Variants in ARG2 observed in about 807,000 individuals in gnomAD.
ARG2 encodes the protein arginase 2, also known as arginase-2, mitochondrial.
A neutral mutation model predicts 39.4 loss-of-function variants in ARG2; 21 were observed. That is an observed-to-expected ratio of 0.53 (90% CI 0.38 to 0.77). The LOEUF (loss-of-function observed/expected upper bound fraction) is 0.77, where lower values mean the gene tolerates loss of function less well. Among genes scored for constraint, ARG2 ranks in the 30% least tolerant of loss-of-function variants. ARG2 has a pLI of 0.00. For missense variants in ARG2, 378 were observed against 426.2 expected (o/e 0.89, Z 1.00); for synonymous variants, 150 against 156.7 (o/e 0.96, Z 0.32).
Position 67,646,653 on chromosome 14 carries a change from C to T in ARG2, c.532C>T (p.Leu178Phe). 6.2e-7 allele frequency: 1 copy of T among 1,610,454 alleles called. No individual in the cohort carries two copies. The highest frequency in any genetic ancestry group is 1.1e-5 in the South Asian group (1 of 90,912). The change falls in exon 5 of 8, where the codon CTC becomes TTC. Residue 178 changes from leucine (L) to phenylalanine (F), a missense_variant. By Grantham distance (22) the Leu-to-Phe change is conservative (BLOSUM62 0). Coordinates refer to ENST00000261783, the MANE Select transcript of ARG2 (RefSeq NM_001172.4). ...LRELQDKVPQ[L>F]PGFSWIKPCI... is the part of the protein sequence containing the mutation. ...TTTCTCCCTTTCATAGGTACCACAA[C>T]TCCCAGGATTTTCCTGGATCAAACC... is the stretch of plus-strand genomic sequence containing the variant.
chr14:67,625,824 C>T (rs1343474338), intron 2 of ARG2, among the ~76,000 whole-genome samples: 2 of 150,454 alleles, frequency 1.3e-5, no homozygotes, highest in South Asian at 4.2e-4. Flanking sequence ...TTCTAGTGTT[C>T]GGCAAACATA....
intron 2 of ARG2, among the ~76,000 whole-genome samples, chr14:67,633,769 G>A (rs957730487): frequency 1.3e-5 from 2 of 152,208 alleles, no homozygotes; most frequent in Admixed American, 6.5e-5. Flanking sequence ...GGTGCACTCT[G>A]GGTTCGGAGG....
chr14:67,632,848 T>G, intron 2 of ARG2, among the ~76,000 whole-genome samples: 1 of 120,750 alleles, frequency 8.3e-6, no homozygotes. Context: ...TGAGGCAGAG[T>G]CTCGCTCTAT....
At chr14:67,644,949 G>A (rs1265232605) in intron 3 of ARG2, among the ~76,000 whole-genome samples, 1 of 150,120 alleles carries the variant, frequency 6.7e-6, no homozygotes, top group Non-Finnish European at 1.5e-5. Flanking sequence ...AGTGAGCTGA[G>A]ATTGCGCCAC....
chr14:67,642,676 T>A (rs188254626), intron 3 of ARG2, among the ~76,000 whole-genome samples: 10 of 152,290 alleles, frequency 6.6e-5, no homozygotes, highest in African/African-American at 2.2e-4. Flanking sequence ...TCTTGAGACT[T>A]ATCTTATGAC....
At chr14:67,620,337 TC>T (rs1320718848) in intron 1 of ARG2, among the ~76,000 whole-genome samples, 2 of 151,724 alleles carry the variant, frequency 1.3e-5, no homozygotes, top group Non-Finnish European at 2.9e-5. Context: ...TTCTGCGGCC[TC>T]CCCAGAAAGA....
chr14:67,631,668 G>A (rs1365777706), intron 2 of ARG2, among the ~76,000 whole-genome samples: 2 of 152,120 alleles, frequency 1.3e-5, no homozygotes, highest in Non-Finnish European at 2.9e-5. Flanking sequence ...CTGGCCTCAT[G>A]TGATCCTCCT....
chr14:67,647,096 C>A, intron 6 of ARG2, 71 bp downstream of exon 6: 1 of 988,398 alleles, frequency 1.0e-6, no homozygotes, highest in Non-Finnish European at 1.6e-6. Context: ...TTCTTGAGGA[C>A]AGCAGCTTTA....
chr14:67,628,053 G>A lies in ARG2; in HGVS notation c.184+7087G>A, dbSNP rs78136760. Among the ~76,000 whole-genome samples, 749 of 152,298 alleles carry A rather than the reference G, an allele frequency of 4.9e-3. 36 individuals are homozygous for A. In the East Asian group the frequency reaches 0.083, roughly 17 times the overall value. On this transcript the variant is annotated intron_variant, in intron 2 of 7. Coordinates refer to ENST00000261783, the MANE Select transcript of ARG2 (RefSeq NM_001172.4). ...CTTTGGACCTCATCTGTGCCACAGT[G>A]CCCTTGGGGGATGGGCCACCTGTAG...
At chr14:67,633,099 C>A (rs953779200) in intron 2 of ARG2, among the ~76,000 whole-genome samples, 5 of 152,042 alleles carry the variant, frequency 3.3e-5, no homozygotes, top group Non-Finnish European at 7.4e-5. Flanking sequence ...GGATTACAGG[C>A]GTGAGCCACT....
At position 67,622,614 on chromosome 14, in the gene ARG2, C is replaced by T. The variant is rs187386639; in HGVS notation, c.184+1648C>T. The stretch of plus-strand genomic sequence containing the variant: ...ACTAATGGGAGGAAGTTTTTATTCC[C>T]GCCCATAAATGAGCATACTGTCTCT... On this transcript the variant is annotated intron_variant, in intron 2 of 7. Coordinates refer to ENST00000261783, the MANE Select transcript of ARG2 (RefSeq NM_001172.4). Among the ~76,000 whole-genome samples the T allele has an allele frequency of 8.4e-4, 128 of 152,228 alleles. 1 individual carries two copies. The highest frequency in any genetic ancestry group is 2.9e-3 in the African/African-American group (120 of 41,522).
intron 4 of ARG2, 47 bp downstream of exon 4, chr14:67,645,849 T>C (rs2037091470): frequency 6.2e-7 from 1 of 1,601,156 alleles, no homozygotes; most frequent in Non-Finnish European, 8.5e-7. Flanking sequence ...TGCAGGGTTT[T>C]GCTGGAGTTG....
intron 2 of ARG2, among the ~76,000 whole-genome samples, chr14:67,633,876 G>C (rs2036943916): frequency 6.6e-6 from 1 of 152,176 alleles, no homozygotes; most frequent in African/African-American, 2.4e-5. Flanking sequence ...TCCAGACTCA[G>C]ATATTGCTGC....
At chr14:67,635,062 T>C (rs2036957665) in intron 2 of ARG2, among the ~76,000 whole-genome samples, 1 of 151,840 alleles carries the variant, frequency 6.6e-6, no homozygotes, top group Admixed American at 6.5e-5. Flanking sequence ...CTCGGTAAAA[T>C]GGCGAAATCT....
At chr14:67,632,050 A>G (rs922864607) in intron 2 of ARG2, among the ~76,000 whole-genome samples, 8 of 151,214 alleles carry the variant, frequency 5.3e-5, no homozygotes, top group African/African-American at 1.9e-4. Flanking sequence ...AATTTTGTTT[A>G]TTTTTTTCTT....
rs375062756 is a variant in ARG2 at position 67,646,616 on chromosome 14, T to C, written c.523-28T>C. ...CTTGGTGAGAACAAGAATTCTTGATTAATCCTGTCCATTTCTCCCTTTCAT... is the reference window on the plus strand; with the variant it reads ...CTTGGTGAGAACAAGAATTCTTGATCAATCCTGTCCATTTCTCCCTTTCAT... On this transcript the variant is annotated intron_variant, in intron 4 of 7. Coordinates refer to ENST00000261783, the MANE Select transcript of ARG2 (RefSeq NM_001172.4). 4.1e-5 allele frequency: 63 copies of C among 1,531,514 alleles called. 1 individual carries two copies. In the South Asian group the frequency reaches 6.3e-4, roughly 15 times the overall value. The allele number at this position is 1,531,514 out of a possible 1,614,324, so 94.9% of individuals were successfully genotyped here.
At chr14:67,643,852 TAAAAAAAAAAAAAAA>T (rs553614739) in intron 3 of ARG2, among the ~76,000 whole-genome samples, 78 of 81,196 alleles carry the variant, frequency 9.6e-4, no homozygotes, top group East Asian at 3.3e-3. Flanking sequence ...TCCTTGGGAG[TAAAAAAAAAAAAAAA>T]AAAAAAAAAA....
chr14:67,641,323 ATAAAAAATC>A (rs1229878517), intron 2 of ARG2, among the ~76,000 whole-genome samples: 1 of 152,238 alleles, frequency 6.6e-6, no homozygotes, highest in Non-Finnish European at 1.5e-5. Flanking sequence ...TCTGAAAAAA[ATAAAAAATC>A]TAAAACACTT....
At chr14:67,647,884 C>A in intron 6 of ARG2, 163 bp from the exon 7 acceptor site, 1 of 704,240 alleles carries the variant, frequency 1.4e-6, no homozygotes, top group South Asian at 2.0e-5. Flanking sequence ...ATCTCAGTAA[C>A]TTCCAAGAAT....
Sources: allele counts gnomAD v4.1 joint callset (sites outside exome capture counted in the v4.1 genomes callset), GRCh38; gene constraint gnomAD v4.1.1; transcripts MANE v1.5; gene names NCBI Gene and HGNC (gene_info 2026-07-23, HGNC 2026-07-21).